The following PLGRKT variants were observed in gnomAD, a reference collection of about 807,000 sequenced individuals.
PLGRKT encodes the protein plasminogen receptor (KT).
PLGRKT carries 22 observed loss-of-function variants against 18.5 expected under a neutral mutation model. The observed-to-expected ratio is 1.19, with a 90% confidence interval of 0.85 to 1.70. The LOEUF is 1.70. Among genes scored for constraint, PLGRKT ranks in the 40% most tolerant of loss-of-function variants. The pLI, the probability that PLGRKT is intolerant of heterozygous loss-of-function variation, is 0.00. For synonymous variants in PLGRKT, 72 were observed against 52.8 expected (o/e 1.36, Z -1.58); for missense variants, 235 against 174.4 (o/e 1.35, Z -1.96).
intron 3 of PLGRKT, among the ~76,000 whole-genome samples, chr9:5,378,696 AT>A (rs1817679471): frequency 6.6e-6 from 1 of 152,156 alleles, no homozygotes; most frequent in Non-Finnish European, 1.5e-5. Context: ...AGAGTTAAGA[AT>A]TTTTTATAAA....
chr9:5,420,565 A>G (rs1364675895), intron 3 of PLGRKT, among the ~76,000 whole-genome samples: 2 of 152,204 alleles, frequency 1.3e-5, no homozygotes, highest in African/African-American at 2.4e-5. Context: ...TAAGTCATGC[A>G]TGTACACCCA....
At chr9:5,381,421 G>T (rs1202952611) in intron 3 of PLGRKT, among the ~76,000 whole-genome samples, 2 of 152,348 alleles carry the variant, frequency 1.3e-5, no homozygotes, top group South Asian at 4.1e-4. Flanking sequence ...GCTTCACAGG[G>T]TGCAAGCCCC....
intron 3 of PLGRKT, among the ~76,000 whole-genome samples, chr9:5,430,932 G>C (rs949212071): frequency 1.3e-5 from 2 of 152,180 alleles, no homozygotes; most frequent in Non-Finnish European, 2.9e-5. Context: ...ATCCAGCCAC[G>C]TCTAAATCCA....
intron 3 of PLGRKT, among the ~76,000 whole-genome samples, chr9:5,401,727 T>A (rs568485052): frequency 2.0e-5 from 3 of 152,022 alleles, no homozygotes; most frequent in African/African-American, 7.3e-5. Context: ...CCTTAATTTA[T>A]GTTCCAGGTG....
chr9:5,405,241 G>T (rs984847203), intron 3 of PLGRKT, among the ~76,000 whole-genome samples: 1 of 152,148 alleles, frequency 6.6e-6, no homozygotes, highest in Non-Finnish European at 1.5e-5. Context: ...ATTCTTCACA[G>T]AATTAGAAAA....
intron 3 of PLGRKT, among the ~76,000 whole-genome samples, chr9:5,403,669 T>C (rs1255665377): frequency 7.9e-5 from 12 of 152,252 alleles, no homozygotes. Context: ...TCTCATTCTA[T>C]GTTCTCTATT....
intron 3 of PLGRKT, among the ~76,000 whole-genome samples, chr9:5,386,673 C>A (rs887441880): frequency 2.0e-5 from 3 of 151,908 alleles, no homozygotes; most frequent in Non-Finnish European, 4.4e-5. Context: ...TTCATCTTTT[C>A]CTTCTGACAT....
At chr9:5,415,154 C>G (rs1456160914) in intron 3 of PLGRKT, among the ~76,000 whole-genome samples, 1 of 151,874 alleles carries the variant, frequency 6.6e-6, no homozygotes, top group Admixed American at 6.6e-5. Flanking sequence ...ATTGTGATCA[C>G]AGAAAAGAAG....
chr9:5,381,954 G>C (rs969290106), intron 3 of PLGRKT: 1 of 984,910 alleles, frequency 1.0e-6, no homozygotes, highest in African/African-American at 1.7e-5. Context: ...CCATGCCTGA[G>C]CCAGCTCTCA....
intron 3 of PLGRKT, among the ~76,000 whole-genome samples, chr9:5,408,565 G>C (rs927229977): frequency 6.6e-6 from 1 of 152,194 alleles, no homozygotes; most frequent in Non-Finnish European, 1.5e-5. Flanking sequence ...TATTTAAAAG[G>C]GAGCATAAAA....
chr9:5,361,337 G>T (rs1253045893), intron 4 of PLGRKT, 150 bp from the exon 5 acceptor site: 1 of 588,424 alleles, frequency 1.7e-6, no homozygotes, highest in East Asian at 2.9e-5. Flanking sequence ...TATGGAAATA[G>T]GATTTCCTTA....
At chr9:5,372,539 C>T (rs1228305717) in intron 3 of PLGRKT, among the ~76,000 whole-genome samples, 1 of 152,150 alleles carries the variant, frequency 6.6e-6, no homozygotes, top group Admixed American at 6.5e-5. Context: ...AATGATGCAG[C>T]CATTCTGGAG....
At chr9:5,419,356 T>C (rs1161396809) in intron 3 of PLGRKT, among the ~76,000 whole-genome samples, 1 of 152,202 alleles carries the variant, frequency 6.6e-6, no homozygotes, top group Non-Finnish European at 1.5e-5. Context: ...TGGTACGTGT[T>C]TGGGAGGCAA....
rs1818517586 is a variant in PLGRKT, at chr9:5,418,885, T to G, written c.81+13012A>C. 5 of 997,866 alleles carry G rather than the reference T, an allele frequency of 5.0e-6. No individual in the cohort carries two copies. The African/African-American group carries it at 6.4e-5, about 13-fold the overall frequency. 61.8% of individuals were successfully genotyped at this position (997,866 alleles called of 1,614,324 possible). A position where few individuals can be genotyped will look rare whatever the true frequency, so the allele number is the denominator to read the frequency against. On this transcript the variant is annotated intron_variant, in intron 3 of 5. Transcript: ENST00000223864. The surrounding 1 kb of genome is among the most constrained non-coding windows in gnomAD (Gnocchi z 4.2). ...CTGGAGGCAAACTGAACAGCAGGTG[T>G]GCTTGCAATCCAGCAACTTGGCCTT... is the stretch of plus-strand genomic sequence containing the variant.
At chr9:5,409,450 C>T (rs10975100) in intron 3 of PLGRKT, among the ~76,000 whole-genome samples, 33,073 of 152,142 alleles carry the variant, frequency 0.22, 4,196 homozygotes, top group Non-Finnish European at 0.28. Context: ...TTTTGGAACT[C>T]GGACTGGCTA....
intron 3 of PLGRKT, among the ~76,000 whole-genome samples, chr9:5,363,177 C>T (rs1008315239): frequency 6.6e-6 from 1 of 151,848 alleles, no homozygotes; most frequent in Non-Finnish European, 1.5e-5. Flanking sequence ...TGGGGAAGGC[C>T]ACTCACTGGA....
chr9:5,367,092 G>C (rs543744451), intron 3 of PLGRKT, among the ~76,000 whole-genome samples: 1 of 149,830 alleles, frequency 6.7e-6, no homozygotes, highest in African/African-American at 2.5e-5. Flanking sequence ...AGAAATCAGA[G>C]ACAGCACAAA....
intron 3 of PLGRKT, among the ~76,000 whole-genome samples, chr9:5,380,038 T>C (rs1304622141): frequency 6.6e-6 from 1 of 152,220 alleles, no homozygotes; most frequent in Non-Finnish European, 1.5e-5. Context: ...AAATAAATTC[T>C]GATATATTCT....
intron 3 of PLGRKT, among the ~76,000 whole-genome samples, chr9:5,389,965 G>A (rs1817916859): frequency 6.6e-6 from 1 of 151,754 alleles, no homozygotes; most frequent in African/African-American, 2.4e-5. Context: ...CCAGGGTCCT[G>A]AAATGAAGAA....
Sources: gnomAD v4.1 joint callset for allele counts (sites outside exome capture counted in the v4.1 genomes callset) on GRCh38, gnomAD v4.1.1 for gene constraint, Gnocchi (gnomAD v3.1) non-coding constraint, MANE v1.5 for transcripts, NCBI Gene and HGNC (gene_info 2026-07-23, HGNC 2026-07-21) for gene names.